Variants in LAMA2 observed in about 807,000 individuals in gnomAD.
LAMA2 encodes the protein laminin subunit alpha 2.
In LAMA2, 269 loss-of-function variants were observed where a neutral mutation model predicts 364.8. That is an observed-to-expected ratio of 0.74 (90% CI 0.67 to 0.82). The LOEUF is 0.82. Ranked by LOEUF, LAMA2 falls within the 40% of genes least tolerant of loss-of-function variation. The pLI is 0.00. For missense variants in LAMA2, 3,807 were observed against 3,873.2 expected, an observed-to-expected ratio of 0.98 and a Z score of 0.45; for synonymous variants, 1,379 against 1,370.6, an observed-to-expected ratio of 1.01 and a Z score of -0.14.
intron 27 of LAMA2, among the ~76,000 whole-genome samples, chr6:129,319,065 TAA>T (rs1485346836): frequency 5.9e-5 from 9 of 152,346 alleles, no homozygotes; most frequent in East Asian, 3.9e-4. Flanking sequence ...AAAGGTGAGT[TAA>T]GTTACTTGAA....
intron 40 of LAMA2, among the ~76,000 whole-genome samples, chr6:129,407,157 C>T (rs1583676697): frequency 1.3e-5 from 2 of 152,266 alleles, no homozygotes; most frequent in East Asian, 1.9e-4. Context: ...CTGCCTCTTC[C>T]AGTCCAGTGA....
At chr6:129,078,162 T>A (rs925331445) in intron 3 of LAMA2, among the ~76,000 whole-genome samples, 2 of 151,418 alleles carry the variant, frequency 1.3e-5, no homozygotes, top group Admixed American at 6.6e-5. Flanking sequence ...TGAGACAAAG[T>A]CTTGCTGTGT....
At chr6:129,196,294 A>G (rs530484648) in intron 12 of LAMA2, among the ~76,000 whole-genome samples, 5 of 152,214 alleles carry the variant, frequency 3.3e-5, no homozygotes, top group East Asian at 3.9e-4. Flanking sequence ...TTTCCATTCT[A>G]CTTCACGGAT....
At chr6:128,961,821 CA>C (rs1359696973) in intron 1 of LAMA2, among the ~76,000 whole-genome samples, 4 of 151,812 alleles carry the variant, frequency 2.6e-5, no homozygotes, top group African/African-American at 9.7e-5. Context: ...AATAAATTCC[CA>C]GTGGTCTCTT....
At chr6:129,495,193 A>G (rs759914093) in intron 58 of LAMA2, among the ~76,000 whole-genome samples, 1 of 152,196 alleles carries the variant, frequency 6.6e-6, no homozygotes, top group Non-Finnish European at 1.5e-5. Context: ...CTGAGTCCCT[A>G]AAACTTCTAT....
intron 1 of LAMA2, among the ~76,000 whole-genome samples, chr6:128,900,838 T>G (rs2114415393): frequency 6.6e-6 from 1 of 152,228 alleles, no homozygotes; most frequent in African/African-American, 2.4e-5. Context: ...CCTCTTTCAC[T>G]AAGGTATTTG....
At chr6:129,193,883 T>C (rs1397241138) in intron 12 of LAMA2, among the ~76,000 whole-genome samples, 5 of 152,110 alleles carry the variant, frequency 3.3e-5, no homozygotes, top group Non-Finnish European at 5.9e-5. Flanking sequence ...GAACTGGTGG[T>C]GTTGGCTGGT....
At chr6:129,017,932 C>T (rs1328152076) in intron 1 of LAMA2, among the ~76,000 whole-genome samples, 2 of 151,750 alleles carry the variant, frequency 1.3e-5, no homozygotes, top group Non-Finnish European at 2.9e-5. Context: ...TCTTGTAGGT[C>T]TAAATATATG....
At chr6:129,223,816 G>T (rs1194901074) in intron 12 of LAMA2, among the ~76,000 whole-genome samples, 1 of 152,128 alleles carries the variant, frequency 6.6e-6, no homozygotes, top group Non-Finnish European at 1.5e-5. Flanking sequence ...GGATTGACTT[G>T]GGAATGTGGG....
At chr6:129,284,721 G>A (rs1341036136) in intron 18 of LAMA2, among the ~76,000 whole-genome samples, 2 of 152,000 alleles carry the variant, frequency 1.3e-5, no homozygotes, top group Non-Finnish European at 2.9e-5. Flanking sequence ...ATTGTTGCTT[G>A]TCTGCACGTC....
chr6:128,913,785 A>C (rs907563242), intron 1 of LAMA2, among the ~76,000 whole-genome samples: 5 of 152,216 alleles, frequency 3.3e-5, no homozygotes, highest in African/African-American at 9.6e-5. Flanking sequence ...ACCTCAGCAC[A>C]TGGAGAATCT....
At chr6:128,992,774 C>T (rs914349067) in intron 1 of LAMA2, among the ~76,000 whole-genome samples, 4 of 152,154 alleles carry the variant, frequency 2.6e-5, no homozygotes, top group Admixed American at 2.6e-4. Context: ...TGTGCTTTGA[C>T]ATTTCAATTT....
At chr6:128,977,266 C>CTTTTTTTTTTTTTTTTT (rs34859670) in intron 1 of LAMA2, among the ~76,000 whole-genome samples, 1 of 133,138 alleles carries the variant, frequency 7.5e-6, no homozygotes, top group African/African-American at 2.9e-5. Context: ...TTTATTCTTT[C>CTTTTTTTTTTTTTTTTT]TTTTTTTTTT....
rs1228105600 is a variant in LAMA2 at position 129,312,988 on chromosome 6, C to G, written c.3302C>G (p.Pro1101Arg). ...TECSRGHWNYPRCNLCDCFLP... is the reference protein window; with the variant it reads ...TECSRGHWNYRRCNLCDCFLP... Reference sequence around the variant, plus strand: ...TGCAGTCGAGGTCACTGGAACTACCCTCGCTGCAATCTCTGTGACTGCTTC... The same window carrying G: ...TGCAGTCGAGGTCACTGGAACTACCGTCGCTGCAATCTCTGTGACTGCTTC... The change falls in exon 23 of 65, where the codon CCT becomes CGT. Residue 1101 changes from proline to arginine, a missense_variant. By Grantham distance (103) the Pro-to-Arg change is moderately radical. Transcript: ENST00000421865. 2 of 1,614,012 alleles carry G rather than the reference C, an allele frequency of 1.2e-6. No individual in the cohort carries two copies. Among genetic ancestry groups the G allele is most frequent in the Non-Finnish European group, 1.7e-6 (2 of 1,179,990 alleles).
intron 12 of LAMA2, among the ~76,000 whole-genome samples, chr6:129,234,898 T>C (rs755333810): frequency 6.6e-6 from 1 of 152,190 alleles, no homozygotes; most frequent in Non-Finnish European, 1.5e-5. Context: ...TTCATCTTAG[T>C]AGCCTACTGT....
intron 17 of LAMA2, among the ~76,000 whole-genome samples, chr6:129,273,276 C>G (rs1252263401): frequency 6.6e-6 from 1 of 152,162 alleles, no homozygotes; most frequent in Non-Finnish European, 1.5e-5. Context: ...ATGGCATTCT[C>G]TTAACCATCT....
chr6:128,998,264 CAGAG>C lies in LAMA2; in HGVS notation c.113-51650_113-51647del, dbSNP rs1267448076. Among the ~76,000 whole-genome samples the C allele has an allele frequency of 3.9e-5, 6 of 152,240 alleles. No individual in the cohort carries two copies. In the East Asian group the frequency reaches 9.6e-4, roughly 24 times the overall value. The stretch of plus-strand genomic sequence containing the variant: ...TGGTTTTATGAGGGATGTGGATTTT[CAGAG>C]AGAAAGAGAAAACTGATTAAGAAGT... On this transcript the variant is annotated intron_variant, in intron 1 of 64. Transcript: ENST00000421865.
intron 14 of LAMA2, among the ~76,000 whole-genome samples, chr6:129,254,188 C>A (rs1156468399): frequency 1.3e-5 from 2 of 152,200 alleles, no homozygotes; most frequent in Non-Finnish European, 2.9e-5. Flanking sequence ...CATATTCAGA[C>A]TTATTTACAG....
At chr6:129,043,109 C>T (rs1787219890) in intron 1 of LAMA2, among the ~76,000 whole-genome samples, 1 of 152,048 alleles carries the variant, frequency 6.6e-6, no homozygotes, top group African/African-American at 2.4e-5. Context: ...TTTACATTCC[C>T]AACAGCAATG....
Sources: gnomAD v4.1 joint callset for allele counts (sites outside exome capture counted in the v4.1 genomes callset) on GRCh38, gnomAD v4.1.1 for gene constraint, MANE v1.5 for transcripts, NCBI Gene and HGNC (gene_info 2026-07-23, HGNC 2026-07-21) for gene names.